SHISA7: variants seen among roughly 807,000 people sequenced by gnomAD.
The protein encoded by SHISA7 is protein shisa-7.
SHISA7 carries 6 observed loss-of-function variants against 23.9 expected under a neutral mutation model. That is an observed-to-expected ratio of 0.25 (90% CI 0.14 to 0.50). The LOEUF (loss-of-function observed/expected upper bound fraction) is 0.50. Ranked by LOEUF, SHISA7 falls within the 20% of genes least tolerant of loss-of-function variation. The pLI, the probability that SHISA7 is intolerant of heterozygous loss-of-function variation, is 0.98. For synonymous variants in SHISA7, 386 were observed against 398.3 expected, an observed-to-expected ratio of 0.97 and a Z score of 0.37; for missense variants, 671 against 801.1, an observed-to-expected ratio of 0.84 and a Z score of 1.96.
At chr19:55,441,083 T>G (rs1985589371) in intron 1 of SHISA7, among the ~76,000 whole-genome samples, 1 of 152,286 alleles carries the variant, frequency 6.6e-6, no homozygotes, top group South Asian at 2.1e-4. Flanking sequence ...GCCTTCCCCA[T>G]GGCAACAAAG....
intron 3 of SHISA7, among the ~76,000 whole-genome samples, chr19:55,437,135 G>C (rs566218900): frequency 6.6e-6 from 1 of 152,264 alleles, no homozygotes; most frequent in East Asian, 1.9e-4. Flanking sequence ...TTTTCTGCCA[G>C]GGTCCCTGAG....
At position 55,433,644 on chromosome 19, in the gene SHISA7, C is replaced by T; in HGVS notation, c.1129G>A (p.Ala377Thr). The T allele has an allele frequency of 6.7e-7, 1 of 1,489,458 alleles. No homozygotes were observed. The highest frequency in any genetic ancestry group is 8.9e-7 in the Non-Finnish European group (1 of 1,127,086). The allele number at this position is 1,489,458 out of a possible 1,614,324, so 92.3% of individuals were successfully genotyped here. A position where few individuals can be genotyped will look rare whatever the true frequency, so the allele number is the denominator to read the frequency against. The change falls in exon 4 of 4, where the codon GCG becomes ACG. Residue 377 changes from alanine to threonine, a missense_variant. By Grantham distance (58) the Ala-to-Thr change is moderately conservative. Transcript: ENST00000376325. This position sits in a 1 kb window ranked among gnomAD's most constrained non-coding sequence, Gnocchi z 8.4. ...GACATGACCCGCCGGGGGTTGGGCG[C>T]GGGCGCCAGGCCCAGCTCCTCTGGG... ...GGPEELGLAPAPNPRRVMSQE... is the reference protein window; with the variant it reads ...GGPEELGLAPTPNPRRVMSQE...
intron 3 of SHISA7, among the ~76,000 whole-genome samples, chr19:55,434,976 GTGGA>G (rs1468732068): frequency 3.6e-5 from 5 of 137,184 alleles, no homozygotes; most frequent in African/African-American, 8.3e-5. Flanking sequence ...TGTGGTGTGT[GTGGA>G]TGGTGTGTAT....
rs138123586 is a variant in SHISA7 at position 55,434,263 on chromosome 19, C to CGT, written c.977-469_977-468dup. 3.5e-4 allele frequency among the ~76,000 whole-genome samples: 53 copies of CGT among 149,774 alleles called. No individual in the cohort carries two copies. The South Asian group carries it at 5.9e-3, about 17-fold the overall frequency. ...GTTCATAAAATTCTTACTGCAGACG[C>CGT]GTGTGTGTGTGTGTGGTGGGTGTGT... On this transcript the variant is annotated intron_variant, in intron 3 of 3. Transcript: ENST00000376325.
In SHISA7 at chr19:55,429,679, G is replaced by T. The variant is rs1420662448; in HGVS notation, c.*3477C>A. On this transcript the variant is annotated 3_prime_UTR_variant, in exon 4 of 4. Transcript: ENST00000376325. ...GGGAGGGGCGTGTAGCCCTTTAAGA[G>T]TGGGGGAATGGCCGCCCCCGCAACA... The T allele has an allele frequency of 1.3e-5, 2 of 152,214 alleles. No homozygotes were observed. The highest frequency in any genetic ancestry group is 2.9e-5 in the Non-Finnish European group (2 of 68,070). The allele number at this position is 152,214 out of a possible 1,614,324, so 9.4% of individuals were successfully genotyped here.
At chr19:55,439,523 G>A (rs1831436031) in intron 2 of SHISA7, among the ~76,000 whole-genome samples, 1 of 152,170 alleles carries the variant, frequency 6.6e-6, no homozygotes, top group African/African-American at 2.4e-5. Flanking sequence ...ATCACCCTCA[G>A]GACGGAGGCG....
rs1223122945 is a variant in SHISA7, at chr19:55,431,379, A to G, written c.*1777T>C. On this transcript the variant is annotated 3_prime_UTR_variant, in exon 4 of 4. Coordinates refer to ENST00000376325, the MANE Select transcript of SHISA7 (RefSeq NM_001145176.2). ...CTGGAAGGTAATGTCATCACTGGTC[A>G]TGGTGGAATCTAGGAGATGATGACA... 2.0e-5 allele frequency: 3 copies of G among 152,070 alleles called. No individual in the cohort carries two copies. The South Asian group carries it at 6.2e-4, about 32-fold the overall frequency. 9.4% of individuals were successfully genotyped at this position (152,070 alleles called of 1,614,324 possible). A position where few individuals can be genotyped will look rare whatever the true frequency, so the allele number is the denominator to read the frequency against.
chr19:55,438,420 G>T, intron 2 of SHISA7: 1 of 692,400 alleles, frequency 1.4e-6, no homozygotes, highest in Non-Finnish European at 2.2e-6. Flanking sequence ...TGGTGACCTG[G>T]CCAGACCATG....
chr19:55,433,810 G>A lies in SHISA7; in HGVS notation c.977-14C>T. 7.2e-7 allele frequency: 1 copy of A among 1,386,126 alleles called. No individual in the cohort carries two copies. Among genetic ancestry groups the A allele is most frequent in the South Asian group, 1.6e-5 (1 of 62,506 alleles). 85.9% of individuals were successfully genotyped at this position (1,386,126 alleles called of 1,614,324 possible). ...GATCCTTCTCGGCTGCGGGGAGAGG[G>A]GGAAAAGCCACAGCCGTGGGTCCCC... On this transcript the variant is annotated splice_polypyrimidine_tract_variant and intron_variant, in intron 3 of 3. Transcript: ENST00000376325. This position sits in a 1 kb window ranked among gnomAD's most constrained non-coding sequence, Gnocchi z 8.4.
chr19:55,442,730 C>T lies in SHISA7; in HGVS notation c.134G>A (p.Gly45Glu). 1 of 1,050,218 alleles carries T rather than the reference C, an allele frequency of 9.5e-7. No individual in the cohort carries two copies. Among genetic ancestry groups the T allele is most frequent in the Non-Finnish European group, 1.1e-6 (1 of 873,310 alleles). 65.1% of individuals were successfully genotyped at this position (1,050,218 alleles called of 1,614,324 possible). Residue 45 changes from glycine (G) to glutamate (E), a missense_variant, in exon 1 of 4, where the codon GGG becomes GAG. Gly to Glu is a moderately conservative substitution (Grantham distance 98). This residue lies in a region of SHISA7 where 96 missense variants were observed against 113.1 expected (regional missense o/e 0.85). Transcript: ENST00000376325. The stretch of plus-strand genomic sequence containing the variant: ...CGCGCCCCCGCCGCCCGTCAGCGCC[C>T]CGGTCAGGCGCCGCAGGTGCGCCAG... ...ALLAHLRRLT[G>E]ALTGGGGAAS...
At chr19:55,434,979 GA>G (rs1985386266) in intron 3 of SHISA7, among the ~76,000 whole-genome samples, 2 of 80,070 alleles carry the variant, frequency 2.5e-5, no homozygotes, top group African/African-American at 4.9e-5. Context: ...GGTGTGTGTG[GA>G]TGGTGTGTAT....
chr19:55,438,807 T>C (rs1348948389), intron 2 of SHISA7, among the ~76,000 whole-genome samples: 2 of 152,020 alleles, frequency 1.3e-5, no homozygotes, highest in Non-Finnish European at 2.9e-5. Flanking sequence ...CTGGGGGTCT[T>C]GAAGGTGGAA....
chr19:55,439,040 C>T (rs1206506896), intron 2 of SHISA7, among the ~76,000 whole-genome samples: 1 of 152,184 alleles, frequency 6.6e-6, no homozygotes, highest in Non-Finnish European at 1.5e-5. Flanking sequence ...CCATCCATCT[C>T]CATGATCAGC....
At position 55,433,754 on chromosome 19, in the gene SHISA7, A is replaced by G; in HGVS notation, c.1019T>C (p.Leu340Pro). Residue 340 changes from leucine to proline, a missense_variant, in exon 4 of 4, where the codon CTG becomes CCG. By Grantham distance (98) the Leu-to-Pro change is moderately conservative. This residue lies in a region of SHISA7 where 457 missense variants were observed against 488.3 expected (regional missense o/e 0.94). Coordinates refer to ENST00000376325, the MANE Select transcript of SHISA7 (RefSeq NM_001145176.2). This position sits in a 1 kb window ranked among gnomAD's most constrained non-coding sequence, Gnocchi z 8.4. ...LDEAYLKRRP[L>P]ELPRGTLPLH... ...GGGCAGCGTGCCGCGGGGCAATTCC[A>G]GGGGCCGGCGCTTCAGGTAGGCCTC... is the stretch of plus-strand genomic sequence containing the variant. 4 of 1,452,702 alleles carry G rather than the reference A, an allele frequency of 2.8e-6. No individual in the cohort carries two copies. Among genetic ancestry groups the G allele is most frequent in the Non-Finnish European group, 3.6e-6 (4 of 1,112,742 alleles). 90.0% of individuals were successfully genotyped at this position (1,452,702 alleles called of 1,614,324 possible).
At chr19:55,440,272 A>C (rs1225449669) in intron 2 of SHISA7, among the ~76,000 whole-genome samples, 2 of 152,064 alleles carry the variant, frequency 1.3e-5, no homozygotes, top group Admixed American at 6.5e-5. Context: ...GGCTCCTGAC[A>C]AATTCGAATT....
intron 3 of SHISA7, 82 bp downstream of exon 3, chr19:55,437,523 G>T (rs918219130): frequency 3.9e-5 from 57 of 1,447,636 alleles, no homozygotes; most frequent in Non-Finnish European, 5.1e-5. Context: ...GAAGGCTCTT[G>T]GGCCACTGTC....
chr19:55,438,136 C>T (rs534190847), intron 2 of SHISA7, among the ~76,000 whole-genome samples: 11 of 119,636 alleles, frequency 9.2e-5, no homozygotes, highest in Non-Finnish European at 1.6e-4. Context: ...CAGACCCAGG[C>T]GTCCAGGCCC....
At chr19:55,434,891 GGTGTGTGTGGTGTGTGT>G (rs1985375628) in intron 3 of SHISA7, among the ~76,000 whole-genome samples, 1 of 102,554 alleles carries the variant, frequency 9.8e-6, no homozygotes, top group Non-Finnish European at 2.0e-5. Context: ...GTGTATATGT[GGTGTGTGTGGTGTGTGT>G]GTATATGTGG....
chr19:55,434,313 T>TG (rs1555753338), intron 3 of SHISA7, among the ~76,000 whole-genome samples: 2 of 141,950 alleles, frequency 1.4e-5, no homozygotes, highest in Non-Finnish European at 1.5e-5. Flanking sequence ...GTGTGTGTGG[T>TG]GTGTGTGTGT....
Sources: allele counts gnomAD v4.1 joint callset (sites outside exome capture counted in the v4.1 genomes callset), GRCh38; gene constraint gnomAD v4.1.1; regional missense constraint gnomAD v4.1.1; non-coding constraint Gnocchi (gnomAD v3.1); transcripts MANE v1.5; gene names NCBI Gene and HGNC (gene_info 2026-07-23, HGNC 2026-07-21).